The following DMD variants were observed in gnomAD, a reference collection of about 807,000 sequenced individuals.
The protein encoded by DMD is dystrophin, also known as mutant dystrophin.
Under a neutral mutation model 330.1 loss-of-function variants are expected in DMD, and 63 were observed. The ratio of observed to expected loss-of-function variants is 0.19; its 90% CI spans 0.16 to 0.24. DMD has a LOEUF of 0.24. Ranked by LOEUF, DMD falls within the 10% of genes least tolerant of loss-of-function variation. DMD has a pLI of 1.00. For missense variants in DMD, 3,344 were observed against 2,684.1 expected (o/e 1.25, Z -5.43); for synonymous variants, 1,223 against 959.8 (o/e 1.27, Z -5.07).
intron 78 of DMD, among the ~76,000 whole-genome samples, chrX:31,125,120 T>G (rs183313368): frequency 8.7e-4 from 98 of 112,191 alleles, no homozygotes; most frequent in African/African-American, 3.0e-3. Context: ...TGAAATTCAT[T>G]TGTGAGTGAA....
At chrX:33,294,424 TGTGA>T (rs1189172313) in intron 1 of DMD, among the ~76,000 whole-genome samples, 1 of 111,284 alleles carries the variant, frequency 9.0e-6, no homozygotes, top group Non-Finnish European at 1.9e-5. Flanking sequence ...ACTTGTAAAA[TGTGA>T]GTATCTTCAC....
intron 1 of DMD, among the ~76,000 whole-genome samples, chrX:33,032,737 T>C (rs1269140266): frequency 8.9e-6 from 1 of 112,281 alleles, no homozygotes. Flanking sequence ...AAGTGGAAAA[T>C]AAGTTTTAAG....
intron 1 of DMD, among the ~76,000 whole-genome samples, chrX:33,046,335 G>C (rs749875004): frequency 5.4e-5 from 6 of 111,614 alleles, no homozygotes; most frequent in Non-Finnish European, 9.4e-5. Flanking sequence ...ACTTAAATTT[G>C]TGTGATACTG....
intron 64 of DMD, among the ~76,000 whole-genome samples, 158 bp from the exon 65 acceptor site, chrX:31,209,857 C>T (rs1314685037): frequency 9.0e-6 from 1 of 111,426 alleles, no homozygotes; most frequent in Non-Finnish European, 1.9e-5. Context: ...ATTTTTATGC[C>T]TCGACTCTAA....
chrX:32,472,740 A>G (rs1332946296), intron 21 of DMD, among the ~76,000 whole-genome samples: 1 of 111,299 alleles, frequency 9.0e-6, no homozygotes, highest in Non-Finnish European at 1.9e-5. Flanking sequence ...AAATAGTATC[A>G]TTATCCGAAG....
chrX:32,915,442 G>C (rs1276064693), intron 2 of DMD, among the ~76,000 whole-genome samples: 1 of 111,912 alleles, frequency 8.9e-6, no homozygotes, highest in African/African-American at 3.2e-5. Context: ...GGGAGAGGAA[G>C]GGGAGGAGGT....
intron 12 of DMD, among the ~76,000 whole-genome samples, chrX:32,606,742 T>C (rs200338836): frequency 1.8e-4 from 9 of 50,574 alleles, no homozygotes; most frequent in African/African-American, 5.0e-4. Flanking sequence ...TATATATATA[T>C]ACACACACAC....
intron 2 of DMD, among the ~76,000 whole-genome samples, chrX:32,939,098 G>A (rs766303908): frequency 2.8e-4 from 31 of 109,136 alleles, no homozygotes; most frequent in Non-Finnish European, 4.8e-4. Context: ...CCATTAGCAG[G>A]TATCATATAT....
At chrX:32,024,758 C>T (rs1453845737) in intron 44 of DMD, among the ~76,000 whole-genome samples, 1 of 111,192 alleles carries the variant, frequency 9.0e-6, no homozygotes, top group East Asian at 2.8e-4. Flanking sequence ...TAACGTCTGG[C>T]TCAGAAGAAG....
intron 1 of DMD, among the ~76,000 whole-genome samples, chrX:33,207,359 C>T (rs754010122): frequency 9.0e-6 from 1 of 110,857 alleles, no homozygotes; most frequent in African/African-American, 3.3e-5. Flanking sequence ...GGGAAACAGA[C>T]TTTTTATACT....
intron 44 of DMD, among the ~76,000 whole-genome samples, chrX:32,028,368 G>A (rs1036033238): frequency 9.0e-6 from 1 of 111,208 alleles, no homozygotes; most frequent in African/African-American, 3.3e-5. Flanking sequence ...CCAGGATGGA[G>A]GGAAAATGTA....
intron 9 of DMD, among the ~76,000 whole-genome samples, chrX:32,668,862 G>A (rs2061471365): frequency 9.0e-6 from 1 of 110,674 alleles, no homozygotes; most frequent in Non-Finnish European, 1.9e-5. Flanking sequence ...ATGGGAGTAT[G>A]TTAGTTAAAT....
At chrX:32,687,253 T>A (rs781376671) in intron 9 of DMD, among the ~76,000 whole-genome samples, 2 of 112,081 alleles carry the variant, frequency 1.8e-5, no homozygotes, top group Non-Finnish European at 3.8e-5. Flanking sequence ...GAACACCTGT[T>A]AGGCACCATG....
In DMD at chrX:32,389,514, A is replaced by C. The variant is rs745462674; in HGVS notation, c.4505T>G (p.Leu1502Arg). The change falls in exon 32 of 79, where the codon CTA becomes CGA. Residue 1502 changes from leucine to arginine, a missense_variant. Transcript: ENST00000357033. ...AGAAATACATACCACACAATGATTT[A>C]GCTGTGACTGTACTACTTCCTGTTC... ...SVEQEVVQSQLNHCVNLYKSL... is the reference protein window; with the variant it reads ...SVEQEVVQSQRNHCVNLYKSL... 11 of 1,209,596 alleles carry C rather than the reference A, an allele frequency of 9.1e-6. No homozygotes were observed. The highest frequency in any genetic ancestry group is 1.2e-5 in the Non-Finnish European group (11 of 894,771).
In DMD at chrX:32,245,873, G is replaced by A. The variant is rs1254390462; in HGVS notation, c.6291-28810C>T. Among the ~76,000 whole-genome samples, 86 of 101,288 alleles carry A rather than the reference G, an allele frequency of 8.5e-4. No individual in the cohort carries two copies. The East Asian group carries it at 0.026, about 30-fold the overall frequency. The allele number at this position is 101,288 out of a possible 115,157, so 88.0% of individuals were successfully genotyped here. ...TAAGGAGATTTTGGGCTGAGACGATGGGGTTTTCTAGATAAACAATCATGT... is the reference window on the plus strand; with the variant it reads ...TAAGGAGATTTTGGGCTGAGACGATAGGGTTTTCTAGATAAACAATCATGT... On this transcript the variant is annotated intron_variant, in intron 43 of 78. Coordinates refer to ENST00000357033, the MANE Select transcript of DMD (RefSeq NM_004006.3).
intron 55 of DMD, among the ~76,000 whole-genome samples, chrX:31,606,920 C>G (rs2148262997): frequency 8.9e-6 from 1 of 112,066 alleles, no homozygotes; most frequent in Admixed American, 9.5e-5. Context: ...AAATTCCGAT[C>G]AACAGATTGC....
intron 21 of DMD, among the ~76,000 whole-genome samples, chrX:32,473,492 A>G (rs929797509): frequency 3.6e-5 from 4 of 111,715 alleles, no homozygotes; most frequent in South Asian, 3.7e-4. Context: ...ACATTATCTA[A>G]ATCATATTAT....
intron 52 of DMD, among the ~76,000 whole-genome samples, chrX:31,698,963 T>C (rs916446781): frequency 4.5e-5 from 5 of 111,837 alleles, no homozygotes; most frequent in African/African-American, 1.6e-4. Flanking sequence ...TTTATAATAT[T>C]AGCCTAACAT....
intron 1 of DMD, among the ~76,000 whole-genome samples, chrX:33,267,688 A>AT (rs1162626520): frequency 1.8e-5 from 2 of 111,443 alleles, no homozygotes; most frequent in Non-Finnish European, 3.8e-5. Context: ...ATACAGCATA[A>AT]TATTGGTACA....
Sources: gnomAD v4.1 joint callset for allele counts (sites outside exome capture counted in the v4.1 genomes callset) on GRCh38, gnomAD v4.1.1 for gene constraint, MANE v1.5 for transcripts, NCBI Gene and HGNC (gene_info 2026-07-23, HGNC 2026-07-21) for gene names.